The following F8 variants were observed in gnomAD, a reference collection of about 807,000 sequenced individuals.
F8 encodes coagulation factor VIII.
Under a neutral mutation model 140.6 loss-of-function variants are expected in F8, and 12 were observed. The observed-to-expected ratio is 0.09, with a 90% CI of 0.05 to 0.14. The LOEUF (loss-of-function observed/expected upper bound fraction) is 0.14. Ranked by LOEUF, F8 falls within the 10% of genes least tolerant of loss-of-function variation. The pLI, the probability that F8 is intolerant of heterozygous loss-of-function variation, is 1.00. For missense variants in F8, 1,354 were observed against 1,720.7 expected (o/e 0.79, Z 3.77); for synonymous variants, 585 against 614.6 (o/e 0.95, Z 0.71).
intron 14 of F8, among the ~76,000 whole-genome samples, chrX:154,908,124 G>A (rs975447524): frequency 1.3e-4 from 15 of 111,770 alleles, no homozygotes; most frequent in Admixed American, 9.5e-4. Context: ...AATGCAATGT[G>A]AATGGATTTT....
chrX:154,968,924 T>C (rs1253811348), intron 7 of F8, among the ~76,000 whole-genome samples: 1 of 109,697 alleles, frequency 9.1e-6, no homozygotes, highest in Non-Finnish European at 1.9e-5. Flanking sequence ...ATGCCTTTTT[T>C]TCCCATTTCC....
intron 7 of F8, among the ~76,000 whole-genome samples, chrX:154,968,891 C>A (rs898132432): frequency 9.1e-6 from 1 of 110,156 alleles, no homozygotes; most frequent in Non-Finnish European, 1.9e-5. Context: ...TATAGTGGAG[C>A]CCTTACAGTT....
At position 154,992,441 on chromosome X, in the gene F8, C is replaced by T. The variant is rs370337960; in HGVS notation, c.601+495G>A. On this transcript the variant is annotated intron_variant, in intron 4 of 25. Transcript: ENST00000360256. Reference sequence around the variant, plus strand: ...AGAATTATTTTAGAATATATTAATTCAATCCAAATTAATTAATTTTCAGTA... The same window carrying T: ...AGAATTATTTTAGAATATATTAATTTAATCCAAATTAATTAATTTTCAGTA... Among the ~76,000 whole-genome samples, 7 of 112,361 alleles carry T rather than the reference C, an allele frequency of 6.2e-5. No homozygotes were observed. In the South Asian group the frequency reaches 1.8e-3, roughly 29 times the overall value.
intron 4 of F8, among the ~76,000 whole-genome samples, chrX:154,988,679 G>C (rs1557284435): frequency 1.8e-5 from 2 of 111,817 alleles, no homozygotes; most frequent in African/African-American, 6.5e-5. Flanking sequence ...GGAAACCTTG[G>C]GGATATTGCA....
intron 22 of F8, among the ~76,000 whole-genome samples, chrX:154,874,762 A>C (rs2072799570): frequency 1.8e-5 from 2 of 112,431 alleles, no homozygotes; most frequent in South Asian, 7.3e-4. Flanking sequence ...TGCAAAAATA[A>C]ATTGGTACAG....
chrX:154,975,816 T>C (rs1184011892), intron 6 of F8, among the ~76,000 whole-genome samples: 1 of 112,469 alleles, frequency 8.9e-6, no homozygotes, highest in Non-Finnish European at 1.9e-5. Flanking sequence ...TATATTTAGG[T>C]GCTCCAATGT....
intron 25 of F8, among the ~76,000 whole-genome samples, chrX:154,840,882 G>A (rs782740755): frequency 1.9e-4 from 21 of 112,264 alleles, no homozygotes; most frequent in Non-Finnish European, 3.8e-4. Context: ...AAGATGAGCC[G>A]TACGGCCATG....
At chrX:154,902,205 C>A in intron 18 of F8, 38 bp from the exon 19 acceptor site, 4 of 1,021,150 alleles carry the variant, frequency 3.9e-6, no homozygotes, top group Non-Finnish European at 5.5e-6. Context: ...TATTTCTTTT[C>A]ACTAAAAAAT....
intron 13 of F8, among the ~76,000 whole-genome samples, chrX:154,936,053 C>A (rs2073223524): frequency 9.5e-6 from 1 of 105,232 alleles, no homozygotes; most frequent in Non-Finnish European, 2.0e-5. Context: ...TTGAAGCCAT[C>A]CAGATTTTTT....
chrX:154,873,675 C>G lies in F8; in HGVS notation c.6430-10448G>C, dbSNP rs2072791914. ...ACCAAGGGAACAGAATAGAAAAGCC[C>G]AGAAATAAGTTCACACATTTACAGT... On this transcript the variant is annotated intron_variant, in intron 22 of 25. Coordinates refer to ENST00000360256, the MANE Select transcript of F8 (RefSeq NM_000132.4). 2.7e-5 allele frequency among the ~76,000 whole-genome samples: 3 copies of G among 111,920 alleles called. No individual in the cohort carries two copies. In the Admixed American group the frequency reaches 2.8e-4, roughly 11 times the overall value.
chrX:154,855,786 T>C (rs910988732), intron 25 of F8, among the ~76,000 whole-genome samples: 1 of 110,852 alleles, frequency 9.0e-6, no homozygotes, highest in East Asian at 2.8e-4. Context: ...ATTAGATCTA[T>C]AACTACACTC....
intron 21 of F8, 143 bp downstream of exon 21, chrX:154,899,723 C>T: frequency 1.8e-6 from 1 of 554,419 alleles, no homozygotes; most frequent in African/African-American, 2.3e-5. Context: ...TCTCTTTGTT[C>T]ATGACTGCTT....
intron 1 of F8, among the ~76,000 whole-genome samples, chrX:155,017,303 C>T (rs2073738759): frequency 8.9e-6 from 1 of 112,199 alleles, no homozygotes; most frequent in African/African-American, 3.2e-5. Context: ...CCTTGTATGA[C>T]CCTGCACAGA....
At chrX:154,999,285 C>T (rs1181513027) in intron 2 of F8, among the ~76,000 whole-genome samples, 194 bp downstream of exon 2, 1 of 109,643 alleles carries the variant, frequency 9.1e-6, no homozygotes, top group African/African-American at 3.3e-5. Flanking sequence ...AAGCAGTTGG[C>T]ATAGACCAAG....
chrX:154,957,191 T>C lies in F8; in HGVS notation c.1538-20A>G, dbSNP rs2073369652. ...TTACACCTACCCACAAGCAAAACCA[T>C]AAATAGCTCAATTAGAGTACAACAA... On this transcript the variant is annotated intron_variant, in intron 10 of 25. Coordinates refer to ENST00000360256, the MANE Select transcript of F8 (RefSeq NM_000132.4). 2 of 1,115,527 alleles carry C rather than the reference T, an allele frequency of 1.8e-6. No individual in the cohort carries two copies. The highest frequency in any genetic ancestry group is 6.0e-5 in the East Asian group (2 of 33,503). The allele number at this position is 1,115,527 out of a possible 1,213,427, so 91.9% of individuals were successfully genotyped here. A position where few individuals can be genotyped will look rare whatever the true frequency, so the allele number is the denominator to read the frequency against.
At chrX:154,947,944 C>G (rs367615232) in intron 12 of F8, 37 bp from the exon 13 acceptor site, 212 of 1,049,530 alleles carry the variant, frequency 2.0e-4, no homozygotes, top group Non-Finnish European at 2.8e-4. Context: ...TTAGACACAT[C>G]ACAGATTTAG....
Position 154,970,535 on chromosome X carries a change from C to T in F8, c.788-983G>A, listed in dbSNP as rs141164325. Among the ~76,000 whole-genome samples the T allele has an allele frequency of 6.2e-3, 693 of 111,671 alleles. 5 individuals are homozygous for T. The highest frequency in any genetic ancestry group is 0.021 in the African/African-American group (649 of 30,717). ...TATTCTCCCCTCTAAGACTTTTACCCACAAAGAAACTGGTGTACTATTTCT... is the reference window on the plus strand; with the variant it reads ...TATTCTCCCCTCTAAGACTTTTACCTACAAAGAAACTGGTGTACTATTTCT... On this transcript the variant is annotated intron_variant, in intron 6 of 25. Coordinates refer to ENST00000360256, the MANE Select transcript of F8 (RefSeq NM_000132.4).
chrX:154,937,672 T>C (rs1228630755), intron 13 of F8, among the ~76,000 whole-genome samples: 1 of 111,023 alleles, frequency 9.0e-6, no homozygotes, highest in East Asian at 2.8e-4. Flanking sequence ...ACTGATACCA[T>C]AAAAAATATT....
chrX:154,902,329 T>C (rs781831364), intron 18 of F8, among the ~76,000 whole-genome samples, 162 bp from the exon 19 acceptor site: 3 of 111,880 alleles, frequency 2.7e-5, no homozygotes, highest in Non-Finnish European at 3.8e-5. Flanking sequence ...ACCCTTACAG[T>C]TGGGGGTTGT....
Sources: gnomAD v4.1 joint callset for allele counts (sites outside exome capture counted in the v4.1 genomes callset) on GRCh38, gnomAD v4.1.1 for gene constraint, MANE v1.5 for transcripts, NCBI Gene and HGNC (gene_info 2026-07-23, HGNC 2026-07-21) for gene names.